The following BIRC6 variants were observed in gnomAD, a reference collection of about 807,000 sequenced individuals.
BIRC6 encodes the protein dual E2 ubiquitin-conjugating enzyme/E3 ubiquitin-protein ligase BIRC6.
A neutral mutation model predicts 503.3 loss-of-function variants in BIRC6; 98 were observed. The ratio of observed to expected loss-of-function variants is 0.19; its 90% CI spans 0.17 to 0.23. The LOEUF is 0.23. BIRC6 is among the 10% of genes least tolerant of loss of function. The pLI, the probability that BIRC6 is intolerant of heterozygous loss-of-function variation, is 1.00. For synonymous variants in BIRC6, 2,240 were observed against 2,078.7 expected (o/e 1.08, Z -2.11); for missense variants, 5,360 against 5,806.0 (o/e 0.92, Z 2.50).
At chr2:32,520,437 T>G (rs2055529963) in intron 57 of BIRC6, among the ~76,000 whole-genome samples, 1 of 152,234 alleles carries the variant, frequency 6.6e-6, no homozygotes, top group Non-Finnish European at 1.5e-5. Flanking sequence ...CAGAGAAACT[T>G]TTTTGAAAAT....
At chr2:32,457,947 C>A (rs1015276791) in intron 23 of BIRC6, among the ~76,000 whole-genome samples, 10 of 151,892 alleles carry the variant, frequency 6.6e-5, no homozygotes, top group African/African-American at 2.2e-4. Flanking sequence ...CTGATAATTA[C>A]CTAAATTAAT....
Position 32,415,693 on chromosome 2 carries a change from A to G in BIRC6, c.2402A>G (p.His801Arg). 5 of 1,613,940 alleles carry G rather than the reference A, an allele frequency of 3.1e-6. No homozygotes were observed. The highest frequency in any genetic ancestry group is 8.5e-7 in the Non-Finnish European group (1 of 1,179,888). Residue 801 changes from histidine to arginine, a missense_variant, in exon 10 of 74, where the codon CAT becomes CGT. This residue lies in a region of BIRC6 where 700 missense variants were observed against 739.3 expected (regional missense o/e 0.95). Transcript: ENST00000421745. ...GGTGCAAATATTAGTGTAATCCAAC[A>G]TGAATCACCAGCAGATGTACAGACT... The part of the protein sequence containing the change: ...VNGANISVIQ[H>R]ESPADVQTPL...
chr2:32,543,873 A>G (rs2057857630), intron 62 of BIRC6, among the ~76,000 whole-genome samples: 1 of 152,244 alleles, frequency 6.6e-6, no homozygotes. Flanking sequence ...ATAAACATGT[A>G]TACTTAGCAA....
chr2:32,402,217 G>T (rs1246031521), intron 8 of BIRC6, among the ~76,000 whole-genome samples: 1 of 152,194 alleles, frequency 6.6e-6, no homozygotes, highest in South Asian at 2.1e-4. Flanking sequence ...TTGTGGTGGG[G>T]TGGGAGAGTC....
intron 71 of BIRC6, 45 bp from the exon 72 acceptor site, chr2:32,607,410 A>G: frequency 7.5e-7 from 1 of 1,329,978 alleles, no homozygotes; most frequent in Non-Finnish European, 1.0e-6. Flanking sequence ...GTTAACCCAC[A>G]GTAAAAATGT....
intron 61 of BIRC6, among the ~76,000 whole-genome samples, chr2:32,535,189 A>G (rs116189059): frequency 2.1e-3 from 304 of 144,798 alleles, no homozygotes; most frequent in Non-Finnish European, 3.9e-3. Context: ...TAAGACAATG[A>G]GAGAATATAA....
chr2:32,372,388 C>T (rs545951688), intron 1 of BIRC6, among the ~76,000 whole-genome samples: 1 of 152,306 alleles, frequency 6.6e-6, no homozygotes, highest in African/African-American at 2.4e-5. Context: ...GAAATGTAAT[C>T]ATTCAGTATG....
At position 32,479,530 on chromosome 2, in the gene BIRC6, A is replaced by T; in HGVS notation, c.7321A>T (p.Thr2441Ser). The T allele has an allele frequency of 6.2e-7, 1 of 1,606,364 alleles. No homozygotes were observed. Among genetic ancestry groups the T allele is most frequent in the Non-Finnish European group, 8.5e-7 (1 of 1,176,036 alleles). The change falls in exon 37 of 74, where the codon ACA becomes TCA. Residue 2441 changes from threonine (T) to serine (S), a missense_variant. Physicochemically the swap from Thr to Ser is moderately conservative, Grantham distance 58. Transcript: ENST00000421745. ...AACAGTGGGTGATGATGTAGGTGCG[A>T]CAGCTGGTGACTCTGATGACTCCCT... is the stretch of plus-strand genomic sequence containing the variant. ...EGTVGDDVGA[T>S]AGDSDDSLQQ...
intron 73 of BIRC6, among the ~76,000 whole-genome samples, chr2:32,614,892 C>G (rs1296549831): frequency 6.6e-6 from 1 of 152,104 alleles, no homozygotes; most frequent in African/African-American, 2.4e-5. Flanking sequence ...ATCATAGTAT[C>G]CCTGTATTAG....
chr2:32,418,109 A>G (rs1189204260), intron 10 of BIRC6, among the ~76,000 whole-genome samples: 2 of 152,238 alleles, frequency 1.3e-5, no homozygotes, highest in African/African-American at 4.8e-5. Flanking sequence ...TGAAAGTATA[A>G]TGGAAAAAAA....
chr2:32,436,508 C>T (rs2044719177), intron 15 of BIRC6, among the ~76,000 whole-genome samples: 1 of 152,174 alleles, frequency 6.6e-6, no homozygotes. Flanking sequence ...CTTCCCATCA[C>T]ATCAGAGTCC....
At chr2:32,420,559 G>A (rs1203711685) in intron 10 of BIRC6, among the ~76,000 whole-genome samples, 2 of 151,980 alleles carry the variant, frequency 1.3e-5, no homozygotes, top group Non-Finnish European at 2.9e-5. Flanking sequence ...TGTCACCCAG[G>A]CTGGAGTGCA....
intron 23 of BIRC6, among the ~76,000 whole-genome samples, chr2:32,459,724 A>G (rs528603900): frequency 5.9e-5 from 9 of 151,782 alleles, no homozygotes; most frequent in African/African-American, 2.2e-4. Context: ...ATTCTATAAT[A>G]TATTTAGGTC....
intron 39 of BIRC6, among the ~76,000 whole-genome samples, chr2:32,483,631 A>G (rs558798653): frequency 6.6e-6 from 1 of 152,354 alleles, no homozygotes; most frequent in South Asian, 2.1e-4. Context: ...ACGTCTCTTT[A>G]GTCTCATTCA....
At chr2:32,437,425 A>T (rs1318876936) in intron 15 of BIRC6, among the ~76,000 whole-genome samples, 1 of 152,112 alleles carries the variant, frequency 6.6e-6, no homozygotes, top group Non-Finnish European at 1.5e-5. Context: ...GGATGTAGAG[A>T]TCCTTCTCCA....
intron 29 of BIRC6, 70 bp downstream of exon 29, chr2:32,468,853 A>G (rs993702656): frequency 1.7e-6 from 2 of 1,162,556 alleles, no homozygotes; most frequent in South Asian, 1.9e-5. Flanking sequence ...ATGTTTTAGG[A>G]TCTGTGTCAA....
intron 26 of BIRC6, 75 bp from the exon 27 acceptor site, chr2:32,467,450 C>T (rs2048680322): frequency 8.6e-7 from 1 of 1,159,550 alleles, no homozygotes; most frequent in Non-Finnish European, 1.3e-6. Flanking sequence ...AAGATGAGTG[C>T]TCCAAATTAT....
At chr2:32,481,503 A>T in intron 38 of BIRC6, 50 bp downstream of exon 38, 1 of 1,484,802 alleles carries the variant, frequency 6.7e-7, no homozygotes, top group Non-Finnish European at 9.0e-7. Context: ...GCAGTGGCTC[A>T]TGCCTGTTAT....
At chr2:32,493,343 AT>A (rs2051994451) in intron 44 of BIRC6, among the ~76,000 whole-genome samples, 196 bp from the exon 45 acceptor site, 1 of 152,198 alleles carries the variant, frequency 6.6e-6, no homozygotes, top group East Asian at 1.9e-4. Context: ...TATTAACAGT[AT>A]TTTTATTTGC....
Sources: gnomAD v4.1 joint callset for allele counts (sites outside exome capture counted in the v4.1 genomes callset) on GRCh38, gnomAD v4.1.1 for gene constraint, gnomAD v4.1.1 regional missense constraint, MANE v1.5 for transcripts, NCBI Gene and HGNC (gene_info 2026-07-23, HGNC 2026-07-21) for gene names.